NOCT: variants seen among roughly 807,000 people sequenced by gnomAD.
NOCT encodes CCR4 carbon catabolite repression 4-like.
A neutral mutation model predicts 35.0 loss-of-function variants in NOCT; 18 were observed. The observed-to-expected ratio is 0.51, with a 90% CI of 0.36 to 0.76. The LOEUF is 0.76. NOCT is among the 30% of genes least tolerant of loss of function. The probability of loss-of-function intolerance (pLI) is 0.01; values close to 1 mark genes in which losing one functional copy is unlikely to be tolerated. For missense variants in NOCT, 479 were observed against 541.0 expected (o/e 0.89, Z 1.14); for synonymous variants, 235 against 226.3 (o/e 1.04, Z -0.34).
At position 139,017,495 on chromosome 4, in the gene NOCT, T is replaced by C. The variant is rs544703689; in HGVS notation, c.190+1324T>C. 1.1e-3 allele frequency among the ~76,000 whole-genome samples: 160 copies of C among 150,544 alleles called. 1 individual carries two copies. Among genetic ancestry groups the C allele is most frequent in the African/African-American group, 3.8e-3 (157 of 41,356 alleles). On this transcript the variant is annotated intron_variant, in intron 1 of 2. Transcript: ENST00000280614. ...CTCCCGCTTTGGCCTCCCAAAGTGC[T>C]GGGATTACAGGCGTGAGCCACCGCC...
In NOCT at chr4:139,044,826, T is replaced by C. The variant is rs377140892; in HGVS notation, c.648T>C (p.Phe216=). ...GTAGACTAGGCTATCAAGGCACGTT[T>C]TTCCCCAAACCCTGGTCACCTTGTC... The part of the protein sequence containing the change: ...LLSRLGYQGT[F]FPKPWSPCLD... The change falls in exon 3 of 3, where the codon TTT becomes TTC. Residue 216 remains phenylalanine (F), a synonymous_variant. Coordinates refer to ENST00000280614, the MANE Select transcript of NOCT (RefSeq NM_012118.4). 6.8e-6 allele frequency: 11 copies of C among 1,614,256 alleles called. No homozygotes were observed. The highest frequency in any genetic ancestry group is 9.3e-6 in the Non-Finnish European group (11 of 1,180,048).
chr4:139,024,855 C>T (rs967927552), intron 1 of NOCT, among the ~76,000 whole-genome samples: 6 of 152,178 alleles, frequency 3.9e-5, no homozygotes, highest in South Asian at 2.1e-4. Context: ...CGGCCCACCC[C>T]GGCATCCCAG....
intron 1 of NOCT, among the ~76,000 whole-genome samples, chr4:139,020,639 A>T (rs1726391243): frequency 6.6e-6 from 1 of 152,140 alleles, no homozygotes; most frequent in African/African-American, 2.4e-5. Flanking sequence ...TGGAGTGCAT[A>T]TTTAACAAGT....
intron 1 of NOCT, 111 bp downstream of exon 1, chr4:139,016,282 T>C (rs1726297260): frequency 2.9e-6 from 2 of 681,526 alleles, no homozygotes; most frequent in Admixed American, 9.2e-5. Flanking sequence ...TCGTGGAGTC[T>C]GGCCTGAAAG....
chr4:139,020,794 A>G (rs1485046144), intron 1 of NOCT, among the ~76,000 whole-genome samples: 3 of 152,218 alleles, frequency 2.0e-5, no homozygotes, highest in African/African-American at 7.2e-5. Flanking sequence ...GGCCGGGCAC[A>G]GTGGTTCACG....
At position 139,043,980 on chromosome 4, in the gene NOCT, G is replaced by GTATATATATATATATATA. The variant is rs59044230; in HGVS notation, c.460+644_461-635dup. ...GTGAGACACTGTCTCAAAAAAATATGTATATATATATATATATATATATAC... is the reference window on the plus strand; with the variant it reads ...GTGAGACACTGTCTCAAAAAAATATGTATATATATATATATATATATATATATATATATATATATATAC... On this transcript the variant is annotated intron_variant, in intron 2 of 2. Transcript: ENST00000280614. 92 of 135,372 alleles carry GTATATATATATATATATA rather than the reference G, an allele frequency of 6.8e-4. 2 individuals are homozygous for GTATATATATATATATATA. Among genetic ancestry groups the GTATATATATATATATATA allele is most frequent in the African/African-American group, 2.5e-3 (88 of 35,070 alleles). The allele number at this position is 135,372 out of a possible 1,614,324, so 8.4% of individuals were successfully genotyped here.
chr4:139,034,091 T>G (rs1047267949), intron 1 of NOCT, among the ~76,000 whole-genome samples: 2 of 152,162 alleles, frequency 1.3e-5, no homozygotes, highest in Admixed American at 1.3e-4. Flanking sequence ...GGCTGGGAAG[T>G]CCAGTCAAAG....
chr4:139,038,974 C>CA (rs1726784116), intron 1 of NOCT, among the ~76,000 whole-genome samples: 1 of 151,542 alleles, frequency 6.6e-6, no homozygotes, highest in Non-Finnish European at 1.5e-5. Context: ...CTCTGTGGGC[C>CA]AAAAATGGTC....
chr4:139,045,398 C>G lies in NOCT; in HGVS notation c.1220C>G (p.Ser407Cys), dbSNP rs746017569. The G allele has an allele frequency of 6.2e-7, 1 of 1,613,910 alleles. No homozygotes were observed. The highest frequency in any genetic ancestry group is 1.1e-5 in the South Asian group (1 of 91,080). Residue 407 changes from serine to cysteine, a missense_variant, in exon 3 of 3, where the codon TCC becomes TGC. Physicochemically the swap from Ser to Cys is moderately radical, Grantham distance 112. This residue lies in a region of NOCT where 214 missense variants were observed against 284.0 expected (regional missense o/e 0.75). Coordinates refer to ENST00000280614, the MANE Select transcript of NOCT (RefSeq NM_012118.4). ...CAGATTGGACCCAACAGGTTACCTT[C>G]CTTCAATTATCCTTCAGACCACCTG... ...EEQIGPNRLP[S>C]FNYPSDHLSL...
intron 1 of NOCT, among the ~76,000 whole-genome samples, chr4:139,021,206 T>G (rs1006759349): frequency 6.6e-6 from 1 of 152,078 alleles, no homozygotes; most frequent in Non-Finnish European, 1.5e-5. Context: ...TTTGCCGTGT[T>G]GCCCAGGCTG....
intron 1 of NOCT, among the ~76,000 whole-genome samples, chr4:139,030,104 A>G (rs908137458): frequency 4.6e-5 from 7 of 152,034 alleles, no homozygotes; most frequent in African/African-American, 1.4e-4. Flanking sequence ...AGGCTGGTCT[A>G]CTGACCTCAG....
Position 139,045,718 on chromosome 4 carries a change from G to A in NOCT, c.*244G>A, listed in dbSNP as rs1408480188. The A allele has an allele frequency of 4.5e-5, 16 of 356,756 alleles. No homozygotes were observed. Among genetic ancestry groups the A allele is most frequent in the African/African-American group, 6.3e-5 (3 of 47,616 alleles). The allele number at this position is 356,756 out of a possible 1,614,324, so 22.1% of individuals were successfully genotyped here. A position where few individuals can be genotyped will look rare whatever the true frequency, so the allele number is the denominator to read the frequency against. ...TTTTTAGTAGAGACGGGGTTTCACC[G>A]TGTTAGCCAGGATGGTCTCGATCTC... On this transcript the variant is annotated 3_prime_UTR_variant, in exon 3 of 3. Transcript: ENST00000280614.
At position 139,016,164 on chromosome 4, in the gene NOCT, C is replaced by G. The variant is rs890342129; in HGVS notation, c.183C>G (p.Ser61=). The change falls in exon 1 of 3, where the codon TCC becomes TCG. Residue 61 remains serine (S), a synonymous_variant. Coordinates refer to ENST00000280614, the MANE Select transcript of NOCT (RefSeq NM_012118.4). The part of the protein sequence containing the change: ...SAASGAARSC[S]RTVCSMGTGT... ...CCTCGGGCGCCGCGAGGTCGTGTTC[C>G]CGAACAGGTGAGTGCACCCCAGTTC... is the stretch of plus-strand genomic sequence containing the variant. 7.9e-7 allele frequency: 1 copy of G among 1,263,336 alleles called. No homozygotes were observed. Among genetic ancestry groups the G allele is most frequent in the Non-Finnish European group, 9.9e-7 (1 of 1,008,256 alleles). The allele number at this position is 1,263,336 out of a possible 1,614,324, so 78.3% of individuals were successfully genotyped here. A position where few individuals can be genotyped will look rare whatever the true frequency, so the allele number is the denominator to read the frequency against.
rs557544980 is a variant in NOCT, at chr4:139,016,401, A to G, written c.190+230A>G. Among the ~76,000 whole-genome samples the G allele has an allele frequency of 3.3e-5, 5 of 152,138 alleles. No homozygotes were observed. In the East Asian group the frequency reaches 9.7e-4, roughly 29 times the overall value. ...TAGTAAGAACTGGGAGACTGTATTCAGGTTCCCGCTTGACCCTTAGAGGCC... is the reference window on the plus strand; with the variant it reads ...TAGTAAGAACTGGGAGACTGTATTCGGGTTCCCGCTTGACCCTTAGAGGCC... On this transcript the variant is annotated intron_variant, in intron 1 of 2. Transcript: ENST00000280614.
In NOCT at chr4:139,016,055, C is replaced by T. The variant is rs1230489883; in HGVS notation, c.74C>T (p.Ala25Val). The T allele has an allele frequency of 7.2e-7, 1 of 1,394,972 alleles. No homozygotes were observed. The allele number at this position is 1,394,972 out of a possible 1,614,324, so 86.4% of individuals were successfully genotyped here. A position where few individuals can be genotyped will look rare whatever the true frequency, so the allele number is the denominator to read the frequency against. ...RDAPGLRRLP[A>V]PGLRRPLSPP... ...GCGCCCGGCCTGCGCCGCCTGCCCG[C>T]CCCAGGGCTGCGCCGCCCGTTGTCC... Residue 25 changes from alanine (A) to valine (V), a missense_variant, in exon 1 of 3, where the codon GCC becomes GTC. By Grantham distance (64) the Ala-to-Val change is moderately conservative (BLOSUM62 0). Coordinates refer to ENST00000280614, the MANE Select transcript of NOCT (RefSeq NM_012118.4).
intron 1 of NOCT, among the ~76,000 whole-genome samples, chr4:139,020,034 C>T (rs1578623695): frequency 6.6e-6 from 1 of 152,046 alleles, no homozygotes; most frequent in Non-Finnish European, 1.5e-5. Context: ...AGAGAAGAAA[C>T]GGGAAAGCTT....
At chr4:139,030,608 T>C (rs1364797259) in intron 1 of NOCT, among the ~76,000 whole-genome samples, 1 of 152,222 alleles carries the variant, frequency 6.6e-6, no homozygotes, top group Admixed American at 6.5e-5. Context: ...GCCTGGTTGC[T>C]ATGAATCTTT....
rs10541748 is a variant in NOCT, at chr4:139,016,641, G to GTTTT, written c.190+497_190+500dup. Among the ~76,000 whole-genome samples, 74 of 53,804 alleles carry GTTTT rather than the reference G, an allele frequency of 1.4e-3. 13 individuals are homozygous for GTTTT. Among genetic ancestry groups the GTTTT allele is most frequent in the African/African-American group, 3.3e-3 (43 of 13,092 alleles). 35.3% of individuals were successfully genotyped at this position (53,804 alleles called of 152,430 possible). A position where few individuals can be genotyped will look rare whatever the true frequency, so the allele number is the denominator to read the frequency against. On this transcript the variant is annotated intron_variant, in intron 1 of 2. Transcript: ENST00000280614. ...ATAACACATTGATTCGTTTTACGTT[G>GTTTT]TTTTTTTTTTTTTTTTTTTTTTTTT... is the stretch of plus-strand genomic sequence containing the variant.
At chr4:139,024,877 T>TAAAA (rs1726483511) in intron 1 of NOCT, among the ~76,000 whole-genome samples, 1 of 152,216 alleles carries the variant, frequency 6.6e-6, no homozygotes, top group African/African-American at 2.4e-5. Flanking sequence ...ATACTGGCAT[T>TAAAA]ACAGGTGTGA....
Sources: gnomAD v4.1 joint callset for allele counts (sites outside exome capture counted in the v4.1 genomes callset) on GRCh38, gnomAD v4.1.1 for gene constraint, gnomAD v4.1.1 regional missense constraint, MANE v1.5 for transcripts, NCBI Gene and HGNC (gene_info 2026-07-23, HGNC 2026-07-21) for gene names.